Variants in TRIM41 observed in about 807,000 individuals in gnomAD.
The protein encoded by TRIM41 is E3 ubiquitin-protein ligase TRIM41.
TRIM41 carries 21 observed loss-of-function variants against 60.6 expected under a neutral mutation model. The observed-to-expected ratio is 0.35, with a 90% CI of 0.25 to 0.50. The LOEUF (loss-of-function observed/expected upper bound fraction) is 0.50, where lower values mean the gene tolerates loss of function less well. TRIM41 is among the 20% of genes least tolerant of loss of function. The probability of loss-of-function intolerance (pLI) is 0.98; values close to 1 mark genes in which losing one functional copy is unlikely to be tolerated. For synonymous variants in TRIM41, 407 were observed against 344.9 expected, an observed-to-expected ratio of 1.18 and a Z score of -2.00; for missense variants, 846 against 868.3, an observed-to-expected ratio of 0.97 and a Z score of 0.32.
intron 1 of TRIM41, chr5:181,227,239 C>G (rs1408638687): frequency 5.3e-5 from 8 of 152,302 alleles, no homozygotes; most frequent in African/African-American, 1.9e-4. Flanking sequence ...CATATTTAAT[C>G]TGACATTAAG....
rs1244387414 is a variant in TRIM41, at chr5:181,233,512, CCT to C, written c.1163+81_1163+82del. ...CCCTGCTTCTCTTCGGTATCCCTCT[CCT>C]CTCCTTCCTTCCCCAGGACCTGAGT... On this transcript the variant is annotated intron_variant, in intron 4 of 5. Coordinates refer to ENST00000315073, the MANE Select transcript of TRIM41 (RefSeq NM_033549.5). This position sits in a 1 kb window ranked among gnomAD's most constrained non-coding sequence, Gnocchi z 4.1. The C allele has an allele frequency of 2.2e-5, 36 of 1,612,572 alleles. No homozygotes were observed. Among genetic ancestry groups the C allele is most frequent in the Non-Finnish European group, 3.1e-5 (36 of 1,178,758 alleles).
Position 181,235,328 on chromosome 5 carries a change from TC to T in TRIM41, c.*555del. On this transcript the variant is annotated 3_prime_UTR_variant, in exon 6 of 6. Transcript: ENST00000315073. ...GGGAGGAGGGATTCTAAACTTTCCT[TC>T]CGTCCTCAATTTCTACCTCCATAGA... The T allele has an allele frequency of 6.2e-7, 1 of 1,614,176 alleles. No individual in the cohort carries two copies. The highest frequency in any genetic ancestry group is 1.3e-5 in the African/African-American group (1 of 75,034).
rs1270461622 is a variant in TRIM41 at position 181,223,551 on chromosome 5, C to G, written c.-449C>G. The G allele has an allele frequency of 2.2e-6, 1 of 448,490 alleles. No homozygotes were observed. The highest frequency in any genetic ancestry group is 3.2e-5 in the East Asian group (1 of 31,700). 27.8% of individuals were successfully genotyped at this position (448,490 alleles called of 1,614,324 possible). On this transcript the variant is annotated 5_prime_UTR_variant, in exon 1 of 6. Transcript: ENST00000315073. ...TCTAGTGCGGACTAGAGCGTCTCCT[C>G]GCCATTTCCTGTCGCCCTGGGGCCC...
At position 181,232,847 on chromosome 5, in the gene TRIM41, G is replaced by C; in HGVS notation, c.1098G>C (p.Glu366Asp). ...CCCAGCTCAGCCGCCTGCTGGCAGA[G>C]GCCCAGGAGCGGAGCCAGCAGGGGG... ...QAAQLSRLLA[E>D]AQERSQQGGL... Residue 366 changes from glutamate (E) to aspartate (D), a missense_variant, in exon 3 of 6, where the codon GAG (glutamate) becomes GAC (aspartate). By Grantham distance (45) the Glu-to-Asp change is conservative. Coordinates refer to ENST00000315073, the MANE Select transcript of TRIM41 (RefSeq NM_033549.5). 2 of 1,556,786 alleles carry C rather than the reference G, an allele frequency of 1.3e-6. No individual in the cohort carries two copies. Among genetic ancestry groups the C allele is most frequent in the South Asian group, 1.2e-5 (1 of 86,362 alleles).
At position 181,235,485 on chromosome 5, in the gene TRIM41, C is replaced by A; in HGVS notation, c.*710C>A. ...TTCTTCCCCCTTCCCTTTTCCAGCA[C>A]TCAACCAAGGAGCAAAGCTCATCCC... On this transcript the variant is annotated 3_prime_UTR_variant, in exon 6 of 6. Transcript: ENST00000315073. 6.5e-7 allele frequency: 1 copy of A among 1,541,258 alleles called. No individual in the cohort carries two copies. The highest frequency in any genetic ancestry group is 8.8e-7 in the Non-Finnish European group (1 of 1,133,730).
At position 181,234,265 on chromosome 5, in the gene TRIM41, G is replaced by A. The variant is rs1287707865; in HGVS notation, c.1383G>A (p.Glu461=). 3.1e-6 allele frequency: 5 copies of A among 1,613,014 alleles called. No homozygotes were observed. In the African/African-American group the frequency reaches 4.0e-5, roughly 13 times the overall value. ...RGVRLAERRQ[E]VADHPKRFSA... is the part of the protein sequence containing the mutation. The stretch of plus-strand genomic sequence containing the variant: ...TCCGCCTGGCAGAGCGGCGGCAGGA[G>A]GTTGCTGACCATCCCAAGCGCTTCT... The change falls in exon 6 of 6, where the codon GAG becomes GAA. Residue 461 remains glutamate (E), a synonymous_variant. Coordinates refer to ENST00000315073, the MANE Select transcript of TRIM41 (RefSeq NM_033549.5). The surrounding 1 kb of genome is among the most constrained non-coding windows in gnomAD (Gnocchi z 5.6).
Position 181,233,317 on chromosome 5 carries a change from G to A in TRIM41, c.1141-96G>A. ...GCTTCTCCCTTCCTGCTCAGGTTCA[G>A]TCTCTGACTGGAGATCGGGGAACGC... On this transcript the variant is annotated intron_variant, in intron 3 of 5. Coordinates refer to ENST00000315073, the MANE Select transcript of TRIM41 (RefSeq NM_033549.5). The surrounding 1 kb of genome is among the most constrained non-coding windows in gnomAD (Gnocchi z 4.1). 7.7e-7 allele frequency: 1 copy of A among 1,299,670 alleles called. No homozygotes were observed. Among genetic ancestry groups the A allele is most frequent in the Non-Finnish European group, 1.1e-6 (1 of 901,176 alleles). The allele number at this position is 1,299,670 out of a possible 1,614,324, so 80.5% of individuals were successfully genotyped here. A position where few individuals can be genotyped will look rare whatever the true frequency, so the allele number is the denominator to read the frequency against.
In TRIM41 at chr5:181,233,975, C is replaced by T; in HGVS notation, c.1292-199C>T. On this transcript the variant is annotated intron_variant, in intron 5 of 5. Coordinates refer to ENST00000315073, the MANE Select transcript of TRIM41 (RefSeq NM_033549.5). This position sits in a 1 kb window ranked among gnomAD's most constrained non-coding sequence, Gnocchi z 4.1. The stretch of plus-strand genomic sequence containing the variant: ...GGGTGGGGTGGAGTGGCAGGAAGAG[C>T]CAGGCTGGGGGAAGACCTGTCAGGT... The T allele has an allele frequency of 8.5e-7, 1 of 1,171,928 alleles. No individual in the cohort carries two copies. Among genetic ancestry groups the T allele is most frequent in the Non-Finnish European group, 1.2e-6 (1 of 831,128 alleles). The allele number at this position is 1,171,928 out of a possible 1,614,324, so 72.6% of individuals were successfully genotyped here.
Position 181,234,922 on chromosome 5 carries a change from C to T in TRIM41, c.*147C>T. On this transcript the variant is annotated 3_prime_UTR_variant, in exon 6 of 6. Coordinates refer to ENST00000315073, the MANE Select transcript of TRIM41 (RefSeq NM_033549.5). This position sits in a 1 kb window ranked among gnomAD's most constrained non-coding sequence, Gnocchi z 5.6. ...CCCCCTTGACCCCAGGCCCCTGCTT[C>T]TCCCTCTAGGAGCCTAAAGAACCCT... 4 of 1,613,710 alleles carry T rather than the reference C, an allele frequency of 2.5e-6. No individual in the cohort carries two copies. The East Asian group carries it at 6.7e-5, about 27-fold the overall frequency.
In TRIM41 at chr5:181,223,480, C is replaced by G. The variant is rs1194673143; in HGVS notation, c.-520C>G. 4 of 402,736 alleles carry G rather than the reference C, an allele frequency of 9.9e-6. No individual in the cohort carries two copies. Among genetic ancestry groups the G allele is most frequent in the African/African-American group, 2.1e-5 (1 of 48,718 alleles). The allele number at this position is 402,736 out of a possible 1,614,324, so 24.9% of individuals were successfully genotyped here. The stretch of plus-strand genomic sequence containing the variant: ...TTTCTGCGTTCCCCGCGGCCTCTTA[C>G]CACAGAGACGCGGGCCTCCACCGTC... On this transcript the variant is annotated 5_prime_UTR_variant, in exon 1 of 6. An upstream open reading frame in the 5' UTR gains an earlier in-frame stop. Transcript: ENST00000315073.
chr5:181,234,816 G>GGGGTGGGTGGTGGA lies in TRIM41; in HGVS notation c.*48_*61dup, dbSNP rs772798652. 1 of 1,606,602 alleles carries GGGGTGGGTGGTGGA rather than the reference G, an allele frequency of 6.2e-7. No individual in the cohort carries two copies. Among genetic ancestry groups the GGGGTGGGTGGTGGA allele is most frequent in the Non-Finnish European group, 8.5e-7 (1 of 1,176,108 alleles). ...CAGGGGCCCCTCTGTCAGCACTTGG[G>GGGGTGGGTGGTGGA]GGGTGGGTGGTGGAGGGTGGCCCGT... On this transcript the variant is annotated 3_prime_UTR_variant, in exon 6 of 6. Transcript: ENST00000315073. This position sits in a 1 kb window ranked among gnomAD's most constrained non-coding sequence, Gnocchi z 5.6.
chr5:181,232,910 G>C (rs1470380689), intron 3 of TRIM41, 21 bp downstream of exon 3: 1 of 1,535,362 alleles, frequency 6.5e-7, no homozygotes, highest in Non-Finnish European at 8.7e-7. Flanking sequence ...TCCCCTCCCT[G>C]TTCCCCCAGC....
Position 181,235,483 on chromosome 5 carries a change from C to T in TRIM41, c.*708C>T. 1.3e-6 allele frequency: 2 copies of T among 1,545,556 alleles called. No individual in the cohort carries two copies. Among genetic ancestry groups the T allele is most frequent in the Non-Finnish European group, 1.8e-6 (2 of 1,136,760 alleles). Reference sequence around the variant, plus strand: ...ATTTCTTCCCCCTTCCCTTTTCCAGCACTCAACCAAGGAGCAAAGCTCATC... The same window carrying T: ...ATTTCTTCCCCCTTCCCTTTTCCAGTACTCAACCAAGGAGCAAAGCTCATC... On this transcript the variant is annotated 3_prime_UTR_variant, in exon 6 of 6. Coordinates refer to ENST00000315073, the MANE Select transcript of TRIM41 (RefSeq NM_033549.5).
intron 2 of TRIM41, 159 bp from the exon 3 acceptor site, chr5:181,232,499 CT>C: frequency 1.5e-6 from 1 of 656,756 alleles, no homozygotes; most frequent in Non-Finnish European, 2.6e-6. Context: ...GGGGTGGTAT[CT>C]GGTAAGGCTG....
At position 181,224,657 on chromosome 5, in the gene TRIM41, C is replaced by G. The variant is rs369184821; in HGVS notation, c.658C>G (p.Arg220Gly). 6.2e-7 allele frequency: 1 copy of G among 1,614,218 alleles called. No homozygotes were observed. Among genetic ancestry groups the G allele is most frequent in the Non-Finnish European group, 8.5e-7 (1 of 1,180,044 alleles). The change falls in exon 1 of 6, where the codon CGC becomes GGC. Residue 220 changes from arginine to glycine, a missense_variant. Physicochemically the swap from Arg to Gly is moderately radical, Grantham distance 125. Transcript: ENST00000315073. ...QMHPTPGRGS[R>G]VTDQGICPKH... Reference sequence around the variant, plus strand: ...GCACCCAACCCCTGGTCGAGGGAGCCGCGTGACCGATCAGGGCATCTGTCC... The same window carrying G: ...GCACCCAACCCCTGGTCGAGGGAGCGGCGTGACCGATCAGGGCATCTGTCC...
At position 181,233,364 on chromosome 5, in the gene TRIM41, C is replaced by G. The variant is rs868602610; in HGVS notation, c.1141-49C>G. 33 of 1,585,780 alleles carry G rather than the reference C, an allele frequency of 2.1e-5. No individual in the cohort carries two copies. The Middle Eastern group carries it at 1.5e-3, about 72-fold the overall frequency. On this transcript the variant is annotated intron_variant, in intron 3 of 5. Transcript: ENST00000315073. The surrounding 1 kb of genome is among the most constrained non-coding windows in gnomAD (Gnocchi z 4.1). Reference sequence around the variant, plus strand: ...ACGCTGTCCCTGTGCAGCTGACACTCTCTTTATCTCTTTCTCCCTCTCCCT... The same window carrying G: ...ACGCTGTCCCTGTGCAGCTGACACTGTCTTTATCTCTTTCTCCCTCTCCCT...
chr5:181,224,894 C>T (rs550802907), intron 1 of TRIM41, 82 bp downstream of exon 1: 40 of 1,580,436 alleles, frequency 2.5e-5, no homozygotes, highest in Admixed American at 1.9e-4. Context: ...GGAAACATCT[C>T]TTCACCCACC....
chr5:181,234,007 G>GGAA lies in TRIM41; in HGVS notation c.1292-166_1292-164dup. 7.7e-7 allele frequency: 1 copy of GGAA among 1,296,468 alleles called. No individual in the cohort carries two copies. Among genetic ancestry groups the GGAA allele is most frequent in the African/African-American group, 1.4e-5 (1 of 68,984 alleles). The allele number at this position is 1,296,468 out of a possible 1,614,324, so 80.3% of individuals were successfully genotyped here. A position where few individuals can be genotyped will look rare whatever the true frequency, so the allele number is the denominator to read the frequency against. On this transcript the variant is annotated intron_variant, in intron 5 of 5. Transcript: ENST00000315073. The surrounding 1 kb of genome is among the most constrained non-coding windows in gnomAD (Gnocchi z 5.6). Reference sequence around the variant, plus strand: ...GGGGGAAGACCTGTCAGGTATCCTAGGAACAAGAGTGAGGAGCAAGATGAG... The same window carrying GGAA: ...GGGGGAAGACCTGTCAGGTATCCTAGGAAGAACAAGAGTGAGGAGCAAGATGAG...
chr5:181,234,514 G>C lies in TRIM41; in HGVS notation c.1632G>C (p.Leu544=). The C allele has an allele frequency of 1.2e-6, 2 of 1,614,084 alleles. No homozygotes were observed. The highest frequency in any genetic ancestry group is 1.7e-6 in the Non-Finnish European group (2 of 1,179,964). Residue 544 remains leucine (L), a synonymous_variant, in exon 6 of 6, where the codon CTG becomes CTC. Coordinates refer to ENST00000315073, the MANE Select transcript of TRIM41 (RefSeq NM_033549.5). This position sits in a 1 kb window ranked among gnomAD's most constrained non-coding sequence, Gnocchi z 5.6. The part of the protein sequence containing the change: ...RRRLHLPQQP[L]LQREVWCVGT... ...GGCTCCACCTGCCCCAGCAGCCCCT[G>C]CTCCAGCGGGAAGTGTGGTGCGTGG...
Sources: gnomAD v4.1 joint callset for allele counts on GRCh38, gnomAD v4.1.1 for gene constraint, Gnocchi (gnomAD v3.1) non-coding constraint, MANE v1.5 for transcripts, NCBI Gene and HGNC (gene_info 2026-07-23, HGNC 2026-07-21) for gene names.